Variants in DLC1 observed in about 807,000 individuals in gnomAD.
DLC1 encodes the protein DLC1 Rho GTPase activating protein, also known as rho GTPase-activating protein 7.
DLC1 carries 54 observed loss-of-function variants against 140.3 expected under a neutral mutation model. The observed-to-expected ratio is 0.38, with a 90% CI of 0.31 to 0.48. The LOEUF is 0.48. DLC1 is among the 20% of genes least tolerant of loss of function. DLC1 has a pLI of 0.96. For synonymous variants in DLC1, 986 were observed against 728.1 expected (o/e 1.35, Z -5.70); for missense variants, 2,536 against 1,907.0 (o/e 1.33, Z -6.14).
chr8:13,236,962 T>C lies in DLC1; in HGVS notation c.1348+68307A>G, dbSNP rs564099417. ...TCTAAAATAAGAAATGAAAAATAAATCACTGAACCTTTTCAGATTACAAAT... is the reference window on the plus strand; with the variant it reads ...TCTAAAATAAGAAATGAAAAATAAACCACTGAACCTTTTCAGATTACAAAT... On this transcript the variant is annotated intron_variant, in intron 5 of 17. Coordinates refer to ENST00000276297, the MANE Select transcript of DLC1 (RefSeq NM_182643.3). Among the ~76,000 whole-genome samples the C allele has an allele frequency of 2.6e-5, 4 of 152,060 alleles. No individual in the cohort carries two copies. In the East Asian group the frequency reaches 5.8e-4, roughly 22 times the overall value.
At chr8:13,253,082 T>C (rs766651056) in intron 5 of DLC1, among the ~76,000 whole-genome samples, 30 of 152,234 alleles carry the variant, frequency 2.0e-4, no homozygotes, top group Middle Eastern at 3.4e-3. Context: ...AAACTTGCAA[T>C]AACATACACA....
At chr8:13,369,462 G>A (rs190490792) in intron 4 of DLC1, among the ~76,000 whole-genome samples, 9 of 150,836 alleles carry the variant, frequency 6.0e-5, no homozygotes, top group South Asian at 4.2e-4. Flanking sequence ...TCATCTCCTC[G>A]TCTGAATGAT....
At chr8:13,200,237 T>TA (rs1563159254) in intron 5 of DLC1, among the ~76,000 whole-genome samples, 3 of 119,016 alleles carry the variant, frequency 2.5e-5, no homozygotes, top group African/African-American at 8.9e-5. Context: ...ATATATATAT[T>TA]TTTTTTAGTA....
At chr8:13,166,532 G>A (rs1309761788) in intron 5 of DLC1, among the ~76,000 whole-genome samples, 5 of 152,064 alleles carry the variant, frequency 3.3e-5, no homozygotes, top group Non-Finnish European at 5.9e-5. Context: ...GTAGAGATGG[G>A]GTTTCACCAT....
At chr8:13,399,530 C>G (rs1466991604) in intron 3 of DLC1, among the ~76,000 whole-genome samples, 1 of 152,168 alleles carries the variant, frequency 6.6e-6, no homozygotes, top group Non-Finnish European at 1.5e-5. Flanking sequence ...AATACTTAGT[C>G]TTGATCTGAT....
At chr8:13,452,781 T>A (rs1004806617) in intron 2 of DLC1, among the ~76,000 whole-genome samples, 1 of 152,192 alleles carries the variant, frequency 6.6e-6, no homozygotes, top group South Asian at 2.1e-4. Context: ...AGTTTAAGCA[T>A]ACAATCATAC....
intron 2 of DLC1, among the ~76,000 whole-genome samples, chr8:13,446,743 C>A (rs1433262061): frequency 6.6e-6 from 1 of 152,024 alleles, no homozygotes; most frequent in Non-Finnish European, 1.5e-5. Flanking sequence ...GAGTTCGAGA[C>A]CAGCCTGGCC....
At chr8:13,364,305 T>C (rs575892053) in intron 4 of DLC1, among the ~76,000 whole-genome samples, 1 of 152,020 alleles carries the variant, frequency 6.6e-6, no homozygotes, top group East Asian at 1.9e-4. Context: ...TGAAACTTTT[T>C]TTTTTTTTTT....
chr8:13,290,440 G>T (rs1831713356), intron 5 of DLC1, among the ~76,000 whole-genome samples: 1 of 152,080 alleles, frequency 6.6e-6, no homozygotes, highest in Middle Eastern at 3.2e-3. Flanking sequence ...AGCAAACAGT[G>T]CATTAAAGGA....
chr8:13,305,668 C>G (rs1832388971), intron 4 of DLC1, among the ~76,000 whole-genome samples: 1 of 152,140 alleles, frequency 6.6e-6, no homozygotes, highest in Non-Finnish European at 1.5e-5. Context: ...GAAACCCCAT[C>G]TCTACAAAAA....
At chr8:13,600,619 C>T (rs893802272) in intron 1 of DLC1, among the ~76,000 whole-genome samples, 3 of 151,820 alleles carry the variant, frequency 2.0e-5, no homozygotes, top group Non-Finnish European at 2.9e-5. Flanking sequence ...GATCATTGCA[C>T]TCCTGTACAT....
At chr8:13,445,179 G>A (rs1798721661) in intron 2 of DLC1, among the ~76,000 whole-genome samples, 1 of 152,102 alleles carries the variant, frequency 6.6e-6, no homozygotes, top group Admixed American at 6.6e-5. Context: ...AAAGTTTATG[G>A]TTTTATGGTT....
intron 4 of DLC1, among the ~76,000 whole-genome samples, chr8:13,308,267 C>T (rs143870242): frequency 2.0e-5 from 3 of 152,196 alleles, no homozygotes; most frequent in Non-Finnish European, 4.4e-5. Flanking sequence ...TGTCACCACA[C>T]TCTGCATGAC....
At chr8:13,109,336 T>C (rs1819867561) in intron 7 of DLC1, among the ~76,000 whole-genome samples, 1 of 152,016 alleles carries the variant, frequency 6.6e-6, no homozygotes, top group African/African-American at 2.4e-5. Context: ...GATGGATGAC[T>C]GCTTGAGCCC....
At position 13,100,665 on chromosome 8, in the gene DLC1, G is replaced by A. The variant is rs1443508819; in HGVS notation, c.1672C>T (p.Pro558Ser). The change falls in exon 9 of 18, where the codon CCA (proline) becomes TCA (serine). Residue 558 changes from proline to serine, a missense_variant. Coordinates refer to ENST00000276297, the MANE Select transcript of DLC1 (RefSeq NM_182643.3). Reference protein sequence around the residue: ...SRLEEFDVFSPKQDLVPGSPD... With the variant: ...SRLEEFDVFSSKQDLVPGSPD... ...GACCCAGGGACCAGGTCTTGTTTTG[G>A]AGAAAAGACATCAAACTCTTCAAGC... 1 of 1,614,092 alleles carries A rather than the reference G, an allele frequency of 6.2e-7. No homozygotes were observed. The highest frequency in any genetic ancestry group is 1.7e-5 in the Admixed American group (1 of 60,006).
chr8:13,396,374 G>A (rs953249582), intron 3 of DLC1, among the ~76,000 whole-genome samples: 1 of 152,012 alleles, frequency 6.6e-6, no homozygotes, highest in South Asian at 2.1e-4. Flanking sequence ...TTAATTTCCT[G>A]TTTGTGATTT....
chr8:13,452,987 T>C (rs1171303756), intron 2 of DLC1, among the ~76,000 whole-genome samples: 2 of 152,126 alleles, frequency 1.3e-5, no homozygotes, highest in Admixed American at 1.3e-4. Flanking sequence ...GTTGTTGTTT[T>C]AATCTTTCAG....
chr8:13,288,587 T>A (rs1029770899), intron 5 of DLC1, among the ~76,000 whole-genome samples: 4 of 152,250 alleles, frequency 2.6e-5, no homozygotes, highest in Non-Finnish European at 5.9e-5. Flanking sequence ...GTCCAGAAAC[T>A]CTTGAGTATC....
chr8:13,268,552 T>C (rs1338564908), intron 5 of DLC1, among the ~76,000 whole-genome samples: 1 of 152,152 alleles, frequency 6.6e-6, no homozygotes, highest in African/African-American at 2.4e-5. Flanking sequence ...AGCTGCCTAA[T>C]TTTTAAATTA....
Sources: allele counts gnomAD v4.1 joint callset (sites outside exome capture counted in the v4.1 genomes callset), GRCh38; gene constraint gnomAD v4.1.1; transcripts MANE v1.5; gene names NCBI Gene and HGNC (gene_info 2026-07-23, HGNC 2026-07-21).